The following ZPLD1 variants were observed in gnomAD, a reference collection of about 807,000 sequenced individuals.
ZPLD1 encodes the protein zona pellucida like domain containing 1.
ZPLD1 carries 34 observed loss-of-function variants against 47.2 expected under a neutral mutation model. That is an observed-to-expected ratio of 0.72 (90% CI 0.55 to 0.96). The LOEUF is 0.96. Ranked by LOEUF, ZPLD1 falls within the 40% of genes least tolerant of loss-of-function variation. The pLI, the probability that ZPLD1 is intolerant of heterozygous loss-of-function variation, is 0.00. For missense variants in ZPLD1, 512 were observed against 505.8 expected (o/e 1.01, Z -0.12); for synonymous variants, 176 against 186.2 (o/e 0.95, Z 0.45).
At chr3:102,444,452 C>G (rs1163478077) in intron 3 of ZPLD1, among the ~76,000 whole-genome samples, 1 of 151,966 alleles carries the variant, frequency 6.6e-6, no homozygotes, top group Non-Finnish European at 1.5e-5. Context: ...CCCTTTAGGA[C>G]TTCTAGCTCT....
At chr3:102,399,740 A>C (rs1706598197) in intron 7 of ZPLD1, among the ~76,000 whole-genome samples, 2 of 152,178 alleles carry the variant, frequency 1.3e-5, no homozygotes, top group South Asian at 4.1e-4. Context: ...CATTTTTTGA[A>C]TTAGAATTAC....
intron 3 of ZPLD1, among the ~76,000 whole-genome samples, chr3:102,438,819 T>C (rs1443791792): frequency 2.0e-5 from 3 of 152,192 alleles, no homozygotes; most frequent in African/African-American, 7.2e-5. Flanking sequence ...TGCTCACAGA[T>C]ATGAAAAATA....
chr3:102,417,412 G>A (rs1206261081), intron 7 of ZPLD1, among the ~76,000 whole-genome samples: 2 of 151,926 alleles, frequency 1.3e-5, no homozygotes, highest in African/African-American at 2.4e-5. Context: ...TTCCAAAGAG[G>A]AATCATAATA....
intron 8 of ZPLD1, among the ~76,000 whole-genome samples, chr3:102,425,090 G>A (rs924098215): frequency 6.6e-6 from 1 of 151,880 alleles, no homozygotes; most frequent in Non-Finnish European, 1.5e-5. Flanking sequence ...AGGAGGAAAT[G>A]CAACTATTTT....
upstream of ZPLD1, among the ~76,000 whole-genome samples, chr3:102,433,116 C>A (rs1707036636): frequency 6.6e-6 from 1 of 152,156 alleles, no homozygotes; most frequent in Admixed American, 6.5e-5. Flanking sequence ...CAGCATCCCC[C>A]CACTCCCTGG....
At chr3:102,424,037 G>A (rs1423727663) in intron 8 of ZPLD1, among the ~76,000 whole-genome samples, 1 of 152,144 alleles carries the variant, frequency 6.6e-6, no homozygotes, top group Admixed American at 6.6e-5. Context: ...AACCAAAGAT[G>A]TCAGTCTTAA....
At position 102,477,575 on chromosome 3, in the gene ZPLD1, C is replaced by A. The variant is rs1707778050; in HGVS notation, c.1205C>A (p.Thr402Lys). The change falls in exon 12 of 12, where the codon ACA becomes AAA. Residue 402 changes from threonine (T) to lysine (K), a missense_variant. Physicochemically the swap from Thr to Lys is moderately conservative, Grantham distance 78. Transcript: ENST00000466937. ...GCCCTTCTGCACAGGAAGGGACCCA[C>A]AAGTTTAGTGTTGAATGGCATAAGA... is the stretch of plus-strand genomic sequence containing the variant. ...SLALLHRKGPTSLVLNGIRNP... is the reference protein window; with the variant it reads ...SLALLHRKGPKSLVLNGIRNP... The A allele has an allele frequency of 6.2e-7, 1 of 1,613,580 alleles. No homozygotes were observed. The highest frequency in any genetic ancestry group is 1.3e-5 in the African/African-American group (1 of 74,976).
chr3:102,396,752 T>A (rs1458332304), intron 7 of ZPLD1, among the ~76,000 whole-genome samples: 5 of 152,142 alleles, frequency 3.3e-5, no homozygotes, highest in African/African-American at 1.2e-4. Flanking sequence ...TCTGTTACGC[T>A]CTTTCCTCTT....
At chr3:102,391,228 C>T (rs1471930861) in intron 6 of ZPLD1, among the ~76,000 whole-genome samples, 1 of 152,126 alleles carries the variant, frequency 6.6e-6, no homozygotes, top group African/African-American at 2.4e-5. Context: ...TAAAAAGATT[C>T]TCTAAGGCTA....
intron 7 of ZPLD1, chr3:102,418,045 C>CT (rs34479248): frequency 0.024 from 3,646 of 149,140 alleles, 63 homozygotes; most frequent in Non-Finnish European, 0.038. Flanking sequence ...TTTTTTCTTT[C>CT]TTTTTTTTTT....
chr3:102,413,397 C>T (rs1254567064), intron 7 of ZPLD1, among the ~76,000 whole-genome samples: 3 of 151,680 alleles, frequency 2.0e-5, no homozygotes, highest in African/African-American at 7.3e-5. Flanking sequence ...AGCCTCATTG[C>T]TACTTATCAA....
In ZPLD1 at chr3:102,386,639, T is replaced by C. The variant is rs190773731; in HGVS notation, c.-213+1322T>C. 4.2e-3 allele frequency among the ~76,000 whole-genome samples: 632 copies of C among 152,274 alleles called. 1 individual carries two copies. The highest frequency in any genetic ancestry group is 0.014 in the African/African-American group (577 of 41,564). On this transcript the variant is annotated intron_variant, in intron 6 of 17. Transcript: ENST00000491959. ...GTTATCTAAAAATAGTGTATGTGTCTCATCACCCCAAAGTTAGGCTTCTGA... is the reference window on the plus strand; with the variant it reads ...GTTATCTAAAAATAGTGTATGTGTCCCATCACCCCAAAGTTAGGCTTCTGA...
Position 102,453,049 on chromosome 3 carries a change from C to A in ZPLD1, c.237C>A (p.Cys79Ter). 1 of 1,614,102 alleles carries A rather than the reference C, an allele frequency of 6.2e-7. No individual in the cohort carries two copies. The highest frequency in any genetic ancestry group is 1.1e-5 in the South Asian group (1 of 91,072). The change falls in exon 4 of 12, where the codon TGC becomes TGA. Residue 79 changes from cysteine to a stop codon, truncating the protein, a stop_gained. Coordinates refer to ENST00000466937, the MANE Select transcript of ZPLD1 (RefSeq NM_001329788.2). LOFTEE classifies it high-confidence loss of function. Reference protein sequence around the residue: ...ALNGRHGDSHCRGFINNNTFP... With the variant: ...ALNGRHGDSH ...ATGGAAGGCATGGGGACTCCCACTG[C>A]AGAGGGTTCATCAATAACAACACCT...
chr3:102,462,414 T>C, intron 7 of ZPLD1, 36 bp downstream of exon 7: 1 of 1,420,026 alleles, frequency 7.0e-7, no homozygotes, highest in South Asian at 1.2e-5. Context: ...AGGTTAAAAC[T>C]CTTTGACTGC....
chr3:102,469,276 A>C, intron 9 of ZPLD1, 141 bp downstream of exon 9: 1 of 900,186 alleles, frequency 1.1e-6, no homozygotes, highest in Non-Finnish European at 1.6e-6. Context: ...TCATTTGTCT[A>C]GTAAAGATCT....
chr3:102,427,459 TA>T (rs954958807), intron 8 of ZPLD1, among the ~76,000 whole-genome samples: 1 of 152,136 alleles, frequency 6.6e-6, no homozygotes, highest in Admixed American at 6.5e-5. Flanking sequence ...TTGTCATGGA[TA>T]AAGCAAGAAG....
intron 7 of ZPLD1, among the ~76,000 whole-genome samples, chr3:102,398,460 T>C (rs1706581422): frequency 6.6e-6 from 1 of 152,106 alleles, no homozygotes; most frequent in South Asian, 2.1e-4. Context: ...ATGAGATCTC[T>C]TCCTTCTCTT....
chr3:102,433,969 A>G (rs1295793170), upstream of ZPLD1, among the ~76,000 whole-genome samples: 2 of 152,228 alleles, frequency 1.3e-5, no homozygotes, highest in African/African-American at 4.8e-5. Flanking sequence ...AATATAATTT[A>G]CTTTCTGAAA....
intron 1 of ZPLD1, among the ~76,000 whole-genome samples, chr3:102,435,881 A>G (rs1707083551): frequency 6.6e-6 from 1 of 152,080 alleles, no homozygotes. Context: ...TGACCTCATG[A>G]TCCACCCGCC....
Sources: allele counts gnomAD v4.1 joint callset (sites outside exome capture counted in the v4.1 genomes callset), GRCh38; gene constraint gnomAD v4.1.1; transcripts MANE v1.5; gene names NCBI Gene and HGNC (gene_info 2026-07-23, HGNC 2026-07-21).